WDR12: variants seen among roughly 807,000 people sequenced by gnomAD.
WDR12 encodes WD repeat domain 12.
A neutral mutation model predicts 64.3 loss-of-function variants in WDR12; 42 were observed. That is an observed-to-expected ratio of 0.65 (90% CI 0.51 to 0.84). The LOEUF (loss-of-function observed/expected upper bound fraction) is 0.84, where lower values mean the gene tolerates loss of function less well. Among genes scored for constraint, WDR12 ranks in the 40% least tolerant of loss-of-function variants. The pLI is 0.00. For missense variants in WDR12, 469 were observed against 494.6 expected, an observed-to-expected ratio of 0.95 and a Z score of 0.49; for synonymous variants, 158 against 173.3, an observed-to-expected ratio of 0.91 and a Z score of 0.70.
intron 6 of WDR12, 106 bp downstream of exon 6, chr2:202,895,959 T>C: frequency 3.0e-6 from 4 of 1,313,924 alleles, no homozygotes; most frequent in South Asian, 1.5e-5. Context: ...TTGTCACCGA[T>C]TGTTAGGAAA....
chr2:202,880,838 A>C lies in WDR12; in HGVS notation c.*22T>G. On this transcript the variant is annotated 3_prime_UTR_variant, in exon 13 of 13. Transcript: ENST00000261015. Reference sequence around the variant, plus strand: ...AATTTCATTTACAGAAATAATCTCTATAGTCAAATTATTGTTCACTTTCAT... The same window carrying C: ...AATTTCATTTACAGAAATAATCTCTCTAGTCAAATTATTGTTCACTTTCAT... 2 of 1,591,966 alleles carry C rather than the reference A, an allele frequency of 1.3e-6. No homozygotes were observed. Among genetic ancestry groups the C allele is most frequent in the Non-Finnish European group, 1.7e-6 (2 of 1,165,870 alleles).
chr2:202,909,210 C>T lies in WDR12; in HGVS notation c.42-1251G>A, dbSNP rs149290517. On this transcript the variant is annotated intron_variant, in intron 1 of 12. Transcript: ENST00000261015. The stretch of plus-strand genomic sequence containing the variant: ...AGCATATATGCAAGAGAAACGAAAA[C>T]ATACATCCACACGAAAACTTGTACG... Among the ~76,000 whole-genome samples, 41 of 152,284 alleles carry T rather than the reference C, an allele frequency of 2.7e-4. 1 individual carries two copies. In the East Asian group the frequency reaches 7.9e-3, roughly 29 times the overall value.
intron 1 of WDR12, among the ~76,000 whole-genome samples, chr2:202,909,369 A>C (rs1312294329): frequency 6.6e-6 from 1 of 152,230 alleles, no homozygotes; most frequent in Non-Finnish European, 1.5e-5. Context: ...ATGAAGTGCT[A>C]ATATATACTA....
chr2:202,903,483 G>GT (rs1316493008), intron 2 of WDR12, among the ~76,000 whole-genome samples: 5 of 133,298 alleles, frequency 3.8e-5, no homozygotes, highest in East Asian at 2.6e-4. Flanking sequence ...AAGGAAGGAA[G>GT]GAAGGAAGGA....
chr2:202,902,952 G>A (rs1010316096), intron 2 of WDR12, among the ~76,000 whole-genome samples: 3 of 152,036 alleles, frequency 2.0e-5, no homozygotes, highest in Admixed American at 1.3e-4. Flanking sequence ...GGTGGCACGC[G>A]CCTGTAATCC....
chr2:202,875,986 T>C lies in WDR12; in HGVS notation c.*4874A>G, dbSNP rs1365053398. 6.6e-6 allele frequency: 1 copy of C among 152,236 alleles called. No individual in the cohort carries two copies. Among genetic ancestry groups the C allele is most frequent in the Non-Finnish European group, 1.5e-5 (1 of 68,042 alleles). The allele number at this position is 152,236 out of a possible 1,614,324, so 9.4% of individuals were successfully genotyped here. A position where few individuals can be genotyped will look rare whatever the true frequency, so the allele number is the denominator to read the frequency against. On this transcript the variant is annotated 3_prime_UTR_variant, in exon 13 of 13. Transcript: ENST00000261015. The stretch of plus-strand genomic sequence containing the variant: ...TTATGGACACTGTAAGAAAATAATT[T>C]ACTTCCTCAAATCTGCAAATCATTG...
intron 7 of WDR12, 67 bp from the exon 8 acceptor site, chr2:202,892,769 T>A (rs1688176731): frequency 8.8e-7 from 1 of 1,131,130 alleles, no homozygotes; most frequent in African/African-American, 1.6e-5. Context: ...CTGAAAGAAT[T>A]CTTTACATTT....
Position 202,896,213 on chromosome 2 carries a change from A to C in WDR12, c.461T>G (p.Leu154Trp). The change falls in exon 6 of 13, where the codon TTG (leucine) becomes TGG (tryptophan). Residue 154 changes from leucine to tryptophan, a missense_variant. Physicochemically the swap from Leu to Trp is moderately conservative, Grantham distance 61. Coordinates refer to ENST00000261015, the MANE Select transcript of WDR12 (RefSeq NM_018256.4). ...AGAAGCACTCAATAATAAGCAGGAC[A>C]AACTATCTGGAGAAAGGAGAACACA... The part of the protein sequence containing the change: ...KDVAWVKKDS[L>W]SCLLLSASMD... 6.2e-7 allele frequency: 1 copy of C among 1,613,372 alleles called. No homozygotes were observed. The highest frequency in any genetic ancestry group is 2.2e-5 in the East Asian group (1 of 44,852).
chr2:202,900,034 A>C, intron 3 of WDR12, among the ~76,000 whole-genome samples: 1 of 152,316 alleles, frequency 6.6e-6, no homozygotes, highest in South Asian at 2.1e-4. Context: ...GGAAAGGAAT[A>C]TAAGAAAGCC....
intron 8 of WDR12, among the ~76,000 whole-genome samples, chr2:202,891,403 G>T (rs1424350115): frequency 6.6e-6 from 1 of 152,158 alleles, no homozygotes; most frequent in African/African-American, 2.4e-5. Flanking sequence ...GCCCGCCTTG[G>T]CCTCCCAAAG....
chr2:202,894,565 T>G lies in WDR12; in HGVS notation c.655+16A>C, dbSNP rs1688207353. 1.3e-6 allele frequency: 2 copies of G among 1,590,956 alleles called. No individual in the cohort carries two copies. Among genetic ancestry groups the G allele is most frequent in the African/African-American group, 1.4e-5 (1 of 73,458 alleles). On this transcript the variant is annotated intron_variant, in intron 7 of 12. Coordinates refer to ENST00000261015, the MANE Select transcript of WDR12 (RefSeq NM_018256.4). The stretch of plus-strand genomic sequence containing the variant: ...ACAACATTATTAAGTCAAGGTAAAA[T>G]AAATATTTAATTTACCTGTAGACCA...
chr2:202,891,394 C>T (rs1416217116), intron 8 of WDR12, among the ~76,000 whole-genome samples: 4 of 152,194 alleles, frequency 2.6e-5, no homozygotes, highest in Admixed American at 2.0e-4. Flanking sequence ...AAGCAATCTG[C>T]CCGCCTTGGC....
At chr2:202,903,442 C>A (rs978980496) in intron 2 of WDR12, among the ~76,000 whole-genome samples, 1 of 111,364 alleles carries the variant, frequency 9.0e-6, no homozygotes, top group Admixed American at 1.3e-4. Flanking sequence ...CTAGAGCAAT[C>A]AGATGGAAGG....
At chr2:202,893,025 G>T (rs937084091) in intron 7 of WDR12, among the ~76,000 whole-genome samples, 18 of 151,980 alleles carry the variant, frequency 1.2e-4, no homozygotes, top group Non-Finnish European at 1.5e-4. Flanking sequence ...TTAGTTGTAG[G>T]AGAGTTATGA....
chr2:202,898,492 A>T (rs1221815989), intron 4 of WDR12, among the ~76,000 whole-genome samples: 1 of 152,220 alleles, frequency 6.6e-6, no homozygotes, highest in Non-Finnish European at 1.5e-5. Context: ...AAAACCATTT[A>T]AACTAAAAGT....
At chr2:202,902,952 GC>G in intron 2 of WDR12, among the ~76,000 whole-genome samples, 1 of 152,036 alleles carries the variant, frequency 6.6e-6, no homozygotes, top group Non-Finnish European at 1.5e-5. Context: ...GGTGGCACGC[GC>G]CTGTAATCCC....
chr2:202,886,362 A>C (rs1243976672), intron 8 of WDR12, among the ~76,000 whole-genome samples: 1 of 151,928 alleles, frequency 6.6e-6, no homozygotes, highest in Non-Finnish European at 1.5e-5. Flanking sequence ...AGAGGCTTAC[A>C]TGGGAGGATT....
chr2:202,903,446 T>TGGATGGAAGGAAGGAAGGAA (rs1688387217), intron 2 of WDR12, among the ~76,000 whole-genome samples: 1 of 97,200 alleles, frequency 1.0e-5, no homozygotes, highest in Non-Finnish European at 1.9e-5. Flanking sequence ...AGCAATCAGA[T>TGGATGGAAGGAAGGAAGGAA]GGAAGGAAGG....
intron 3 of WDR12, 97 bp downstream of exon 3, chr2:202,900,928 C>T (rs1688337047): frequency 1.1e-6 from 1 of 912,744 alleles, no homozygotes. Flanking sequence ...AGAATCTTTG[C>T]TACTAAAGAT....
Sources: allele counts gnomAD v4.1 joint callset (sites outside exome capture counted in the v4.1 genomes callset), GRCh38; gene constraint gnomAD v4.1.1; transcripts MANE v1.5; gene names NCBI Gene and HGNC (gene_info 2026-07-23, HGNC 2026-07-21).